The following LRRC7 variants were observed in gnomAD, a reference collection of about 807,000 sequenced individuals.
LRRC7 encodes the protein leucine rich repeat containing 7.
Under a neutral mutation model 175.7 loss-of-function variants are expected in LRRC7, and 23 were observed. The observed-to-expected ratio is 0.13, with a 90% CI of 0.09 to 0.19. The LOEUF (loss-of-function observed/expected upper bound fraction) is 0.19. Ranked by LOEUF, LRRC7 falls within the 10% of genes least tolerant of loss-of-function variation. The pLI is 1.00. For synonymous variants in LRRC7, 685 were observed against 680.9 expected (o/e 1.01, Z -0.09); for missense variants, 1,354 against 1,904.7 (o/e 0.71, Z 5.38).
chr1:69,679,872 T>C (rs1660253258), intron 2 of LRRC7, among the ~76,000 whole-genome samples: 1 of 152,182 alleles, frequency 6.6e-6, no homozygotes, highest in Non-Finnish European at 1.5e-5. Flanking sequence ...TGGCCAATTA[T>C]GGTTTGTTGA....
chr1:69,892,864 A>G (rs376079915), intron 7 of LRRC7, among the ~76,000 whole-genome samples: 1 of 152,192 alleles, frequency 6.6e-6, no homozygotes, highest in African/African-American at 2.4e-5. Context: ...TCTTGTATCA[A>G]CTTGACTGTT....
rs1049596997 is a variant in LRRC7 at position 69,690,604 on chromosome 1, T to C, written c.100+12126T>C. On this transcript the variant is annotated intron_variant, in intron 2 of 26. Transcript: ENST00000651989. ...TCCTTCCTTATGAAAGCTTCCCTGA[T>C]GCCTCTCCTCCTCTTCTTGGCAGAC... 1.7e-4 allele frequency among the ~76,000 whole-genome samples: 26 copies of C among 152,210 alleles called. 1 individual carries two copies. Among genetic ancestry groups the C allele is most frequent in the Admixed American group, 1.1e-3 (17 of 15,278 alleles).
At chr1:69,657,449 A>G (rs1233057148) in intron 1 of LRRC7, among the ~76,000 whole-genome samples, 1 of 151,824 alleles carries the variant, frequency 6.6e-6, no homozygotes, top group Non-Finnish European at 1.5e-5. Context: ...CAGATTATAA[A>G]TTTATCCGTA....
chr1:70,074,167 A>G (rs892160078), intron 23 of LRRC7, among the ~76,000 whole-genome samples: 1 of 150,964 alleles, frequency 6.6e-6, no homozygotes. Context: ...GTGCCACTGC[A>G]CTCCAGCCTG....
Position 69,589,150 on chromosome 1 carries a change from G to A in LRRC7, c.2+20509G>A, listed in dbSNP as rs986620492. ...TGTGTGTGTGTGTGTGTGTGTGTGT[G>A]TGTATGTCTGTGTGTGTGTGAGAGA... On this transcript the variant is annotated intron_variant, in intron 1 of 26. Transcript: ENST00000651989. Among the ~76,000 whole-genome samples, 65 of 141,216 alleles carry A rather than the reference G, an allele frequency of 4.6e-4. 1 individual carries two copies. Among genetic ancestry groups the A allele is most frequent in the African/African-American group, 2.7e-5 (1 of 37,318 alleles). The allele number at this position is 141,216 out of a possible 152,430, so 92.6% of individuals were successfully genotyped here.
chr1:69,626,820 G>A (rs186578021), intron 1 of LRRC7, among the ~76,000 whole-genome samples: 115 of 150,458 alleles, frequency 7.6e-4, no homozygotes, highest in African/African-American at 2.4e-3. Context: ...GAGAACATGC[G>A]GTGTTTTGTT....
At position 69,720,293 on chromosome 1, in the gene LRRC7, G is replaced by C. The variant is rs112610410; in HGVS notation, c.101-39898G>C. On this transcript the variant is annotated intron_variant, in intron 2 of 26. Transcript: ENST00000651989. ...TATGCATTCTTATACTGTTCTTATA[G>C]TGGTTACTCTAGAGATTGCACATTC... Among the ~76,000 whole-genome samples, 1,170 of 151,244 alleles carry C rather than the reference G, an allele frequency of 7.7e-3. 21 individuals are homozygous for C. The highest frequency in any genetic ancestry group is 0.027 in the African/African-American group (1,102 of 41,348).
chr1:69,796,687 G>A (rs372855867), intron 4 of LRRC7, among the ~76,000 whole-genome samples: 14 of 151,994 alleles, frequency 9.2e-5, no homozygotes, highest in Admixed American at 3.3e-4. Flanking sequence ...CCATCTACTT[G>A]GGAGGCTGAG....
chr1:70,066,696 C>T (rs778494859), intron 23 of LRRC7, among the ~76,000 whole-genome samples: 18 of 152,024 alleles, frequency 1.2e-4, no homozygotes, highest in African/African-American at 2.4e-4. Context: ...AACATCTGTG[C>T]GCACCTTTTT....
At chr1:69,864,374 C>A (rs1009650542) in intron 7 of LRRC7, among the ~76,000 whole-genome samples, 2 of 152,058 alleles carry the variant, frequency 1.3e-5, no homozygotes, top group Non-Finnish European at 2.9e-5. Context: ...GAGGAATTTG[C>A]TTGATAAAAC....
chr1:69,729,661 G>A (rs1005151025), intron 2 of LRRC7, among the ~76,000 whole-genome samples: 1 of 152,170 alleles, frequency 6.6e-6, no homozygotes, highest in Non-Finnish European at 1.5e-5. Context: ...CCCCCTCCAG[G>A]CTGCTTTTAT....
chr1:70,076,193 A>G lies in LRRC7; in HGVS notation c.4347A>G (p.Pro1449=), dbSNP rs779532316. ...TGACCATCCAGCAATTTCAGTCACC[A>G]TTGCCTATTCAGATCCCCTCTTCAC... is the stretch of plus-strand genomic sequence containing the variant. ...NKVTIQQFQS[P]LPIQIPSSQA... The change falls in exon 24 of 27, where the codon CCA becomes CCG. Residue 1449 remains proline, a synonymous_variant. Coordinates refer to ENST00000651989, the MANE Select transcript of LRRC7 (RefSeq NM_001370785.2). The G allele has an allele frequency of 3.1e-6, 5 of 1,614,058 alleles. No individual in the cohort carries two copies. Among genetic ancestry groups the G allele is most frequent in the Admixed American group, 3.3e-5 (2 of 59,966 alleles).
At chr1:69,613,527 T>TCAGTG (rs921302722) in intron 1 of LRRC7, among the ~76,000 whole-genome samples, 16 of 152,040 alleles carry the variant, frequency 1.1e-4, no homozygotes, top group Non-Finnish European at 2.2e-4. Flanking sequence ...CGCTGAATGC[T>TCAGTG]CAGTGCATCT....
At chr1:70,000,921 C>T (rs1466344106) in intron 11 of LRRC7, among the ~76,000 whole-genome samples, 2 of 152,280 alleles carry the variant, frequency 1.3e-5, no homozygotes, top group East Asian at 3.9e-4. Flanking sequence ...AATATATCTT[C>T]CACAGTGAGG....
intron 13 of LRRC7, among the ~76,000 whole-genome samples, chr1:70,015,915 A>G (rs1364894783): frequency 6.6e-6 from 1 of 152,186 alleles, no homozygotes; most frequent in African/African-American, 2.4e-5. Context: ...TTTTCAAGGG[A>G]TAGCAAAGAG....
At chr1:69,724,000 T>C (rs1039638616) in intron 2 of LRRC7, among the ~76,000 whole-genome samples, 1 of 152,188 alleles carries the variant, frequency 6.6e-6, no homozygotes, top group Non-Finnish European at 1.5e-5. Flanking sequence ...CAAGTAGGAC[T>C]CAAGGCTAGC....
At chr1:70,055,605 AG>A (rs540484700) in intron 23 of LRRC7, among the ~76,000 whole-genome samples, 75 of 152,290 alleles carry the variant, frequency 4.9e-4, no homozygotes, top group Non-Finnish European at 9.1e-4. Context: ...ATAGCTAGGA[AG>A]GCCTCAGGAA....
At chr1:69,879,042 T>G (rs1686305836) in intron 7 of LRRC7, among the ~76,000 whole-genome samples, 1 of 150,482 alleles carries the variant, frequency 6.6e-6, no homozygotes. Context: ...TAATGTAAAC[T>G]GTGGACTTTG....
intron 7 of LRRC7, among the ~76,000 whole-genome samples, chr1:69,911,992 C>A (rs1646546254): frequency 6.6e-6 from 1 of 151,486 alleles, no homozygotes; most frequent in African/African-American, 2.4e-5. Context: ...CTTTACAAAG[C>A]ATTTACATTG....
Sources: allele counts gnomAD v4.1 joint callset (sites outside exome capture counted in the v4.1 genomes callset), GRCh38; gene constraint gnomAD v4.1.1; transcripts MANE v1.5; gene names NCBI Gene and HGNC (gene_info 2026-07-23, HGNC 2026-07-21).